The following KIFAP3 variants were observed in gnomAD, a reference collection of about 807,000 sequenced individuals.
KIFAP3 encodes kinesin associated protein 3.
Under a neutral mutation model 106.5 loss-of-function variants are expected in KIFAP3, and 68 were observed. The observed-to-expected ratio is 0.64, with a 90% CI of 0.53 to 0.78. The LOEUF is 0.78. KIFAP3 is among the 30% of genes least tolerant of loss of function. The pLI is 0.00. For missense variants in KIFAP3, 780 were observed against 941.8 expected (o/e 0.83, Z 2.25); for synonymous variants, 320 against 311.5 (o/e 1.03, Z -0.29).
chr1:170,055,540 A>C, intron 1 of KIFAP3, 104 bp from the exon 2 acceptor site: 1 of 780,098 alleles, frequency 1.3e-6, no homozygotes, highest in Non-Finnish European at 2.0e-6. Context: ...TAACATGTGC[A>C]TTTGAATCAG....
At chr1:170,002,140 G>A (rs139480356) in intron 10 of KIFAP3, among the ~76,000 whole-genome samples, 13 of 152,154 alleles carry the variant, frequency 8.5e-5, no homozygotes, top group Non-Finnish European at 1.5e-4. Context: ...TGTCTAAACC[G>A]GAAGAAATCA....
intron 11 of KIFAP3, among the ~76,000 whole-genome samples, chr1:169,986,345 G>A (rs1666828052): frequency 1.3e-5 from 2 of 151,830 alleles, no homozygotes; most frequent in Non-Finnish European, 2.9e-5. Flanking sequence ...CACTCAAATT[G>A]TTAGGTATAA....
At chr1:169,961,394 A>G (rs538137720) in intron 17 of KIFAP3, among the ~76,000 whole-genome samples, 159 bp from the exon 18 acceptor site, 1 of 152,300 alleles carries the variant, frequency 6.6e-6, no homozygotes, top group African/African-American at 2.4e-5. Context: ...TAGCCAACAA[A>G]AAGCAATTAC....
intron 1 of KIFAP3, among the ~76,000 whole-genome samples, chr1:170,073,700 G>A (rs1671802044): frequency 6.6e-6 from 1 of 151,886 alleles, no homozygotes; most frequent in African/African-American, 2.4e-5. Flanking sequence ...GGTTCAGTGG[G>A]AGGTATCTTT....
chr1:170,041,591 C>T, intron 3 of KIFAP3: 2 of 1,028,610 alleles, frequency 1.9e-6, no homozygotes, highest in Non-Finnish European at 2.9e-6. Context: ...ATTTCAGAGG[C>T]CCGGAGATGA....
intron 16 of KIFAP3, among the ~76,000 whole-genome samples, chr1:169,974,882 A>T (rs183984530): frequency 7.9e-5 from 12 of 152,164 alleles, no homozygotes; most frequent in Non-Finnish European, 1.6e-4. Flanking sequence ...TTCCCTCAGC[A>T]GCCATGGGAG....
intron 10 of KIFAP3, among the ~76,000 whole-genome samples, chr1:169,997,884 A>G (rs2474703): frequency 1.3e-3 from 17 of 13,048 alleles, no homozygotes; most frequent in East Asian, 7.1e-3. Context: ...AAAAAAAAAG[A>G]AAAAAAAAAG....
At chr1:170,070,934 A>T (rs1671678909) in intron 1 of KIFAP3, among the ~76,000 whole-genome samples, 1 of 152,238 alleles carries the variant, frequency 6.6e-6, no homozygotes, top group African/African-American at 2.4e-5. Context: ...GTTCTATTAC[A>T]AAGAACTCCT....
At chr1:169,996,756 G>A (rs1667390034) in intron 10 of KIFAP3, among the ~76,000 whole-genome samples, 1 of 152,148 alleles carries the variant, frequency 6.6e-6, no homozygotes, top group Non-Finnish European at 1.5e-5. Context: ...TGCATCTAGA[G>A]GGACTCTGTA....
chr1:169,975,221 G>A (rs1666162560), intron 16 of KIFAP3, among the ~76,000 whole-genome samples: 1 of 152,168 alleles, frequency 6.6e-6, no homozygotes, highest in East Asian at 1.9e-4. Context: ...GTTGAGATCA[G>A]CATTAGTTCT....
Position 169,921,739 on chromosome 1 carries a change from T to C in KIFAP3, c.2316A>G (p.Gly772=). 6.2e-7 allele frequency: 1 copy of C among 1,613,800 alleles called. No individual in the cohort carries two copies. The highest frequency in any genetic ancestry group is 8.5e-7 in the Non-Finnish European group (1 of 1,179,836). The change falls in exon 20 of 20, where the codon GGA becomes GGG. Residue 772 remains glycine, a synonymous_variant. Coordinates refer to ENST00000361580, the MANE Select transcript of KIFAP3 (RefSeq NM_014970.4). ...GGAATCCATATGCTGTGGCAGGGCG[T>C]CCAAGAATGCCAACTGGTTGGCCAA... ...DGFGQPVGIL[G]RPATAYGFRP... is the part of the protein sequence containing the mutation.
intron 19 of KIFAP3, among the ~76,000 whole-genome samples, chr1:169,933,268 G>A (rs1380632752): frequency 2.0e-5 from 3 of 151,922 alleles, no homozygotes; most frequent in Non-Finnish European, 4.4e-5. Flanking sequence ...ATAAATACAG[G>A]TCAGAAAAAT....
At chr1:170,011,446 T>G (rs1169091921) in intron 10 of KIFAP3, among the ~76,000 whole-genome samples, 1 of 151,344 alleles carries the variant, frequency 6.6e-6, no homozygotes, top group Non-Finnish European at 1.5e-5. Context: ...AATACTGTTT[T>G]GTGAACATTT....
At chr1:170,044,715 T>G (rs1454105088) in intron 3 of KIFAP3, among the ~76,000 whole-genome samples, 1 of 152,060 alleles carries the variant, frequency 6.6e-6, no homozygotes, top group East Asian at 1.9e-4. Context: ...AGGGAGCCTC[T>G]TTTTCCCCAG....
intron 19 of KIFAP3, among the ~76,000 whole-genome samples, chr1:169,947,729 T>C (rs995543312): frequency 6.6e-6 from 1 of 151,844 alleles, no homozygotes; most frequent in African/African-American, 2.4e-5. Context: ...GAATTACAGA[T>C]GTGGCAGTGA....
At chr1:170,000,352 T>A (rs1322077823) in intron 10 of KIFAP3, among the ~76,000 whole-genome samples, 3 of 152,120 alleles carry the variant, frequency 2.0e-5, no homozygotes. Flanking sequence ...ATAATAGAAG[T>A]GGGAATATAA....
chr1:169,964,817 T>C (rs933062157), intron 17 of KIFAP3, among the ~76,000 whole-genome samples: 2 of 152,200 alleles, frequency 1.3e-5, no homozygotes, highest in African/African-American at 4.8e-5. Context: ...ATGCTAAATA[T>C]AACTGTGAAC....
At chr1:169,978,334 A>AAATAGT in intron 15 of KIFAP3, 151 bp from the exon 16 acceptor site, 1 of 559,532 alleles carries the variant, frequency 1.8e-6, no homozygotes, top group Non-Finnish European at 3.2e-6. Context: ...TCCTAATGTA[A>AAATAGT]AATAGTAACA....
chr1:170,074,608 T>C lies in KIFAP3; in HGVS notation c.-141A>G. ...CTGCAAGGCGGGGCAGCAGCGGCGC[T>C]GTGGTTACCACGGTGAAGCCTCCAG... is the stretch of plus-strand genomic sequence containing the variant. On this transcript the variant is annotated 5_prime_UTR_variant, in exon 1 of 20. Coordinates refer to ENST00000361580, the MANE Select transcript of KIFAP3 (RefSeq NM_014970.4). The C allele has an allele frequency of 6.6e-7, 1 of 1,524,066 alleles. No individual in the cohort carries two copies. The highest frequency in any genetic ancestry group is 8.8e-7 in the Non-Finnish European group (1 of 1,132,826). 94.4% of individuals were successfully genotyped at this position (1,524,066 alleles called of 1,614,324 possible).
Sources: allele counts gnomAD v4.1 joint callset (sites outside exome capture counted in the v4.1 genomes callset), GRCh38; gene constraint gnomAD v4.1.1; transcripts MANE v1.5; gene names NCBI Gene and HGNC (gene_info 2026-07-23, HGNC 2026-07-21).